The following MYLK3 variants were observed in gnomAD, a reference collection of about 807,000 sequenced individuals.
MYLK3 encodes myosin light chain kinase 3, also known as MLC kinase.
MYLK3 carries 55 observed loss-of-function variants against 76.3 expected under a neutral mutation model. That is an observed-to-expected ratio of 0.72 (90% CI 0.58 to 0.90). The LOEUF is 0.90. MYLK3 is among the 40% of genes least tolerant of loss of function. The pLI, the probability that MYLK3 is intolerant of heterozygous loss-of-function variation, is 0.00. For synonymous variants in MYLK3, 416 were observed against 425.4 expected, an observed-to-expected ratio of 0.98 and a Z score of 0.27; for missense variants, 973 against 1,053.6, an observed-to-expected ratio of 0.92 and a Z score of 1.06.
intron 8 of MYLK3, 166 bp downstream of exon 8, chr16:46,727,070 C>A: frequency 1.8e-6 from 1 of 541,316 alleles, no homozygotes; most frequent in South Asian, 4.2e-5. Context: ...AGAACTACAG[C>A]CCCAAGAGGC....
Position 46,732,388 on chromosome 16 carries a change from G to A in MYLK3, c.1282C>T (p.Pro428Ser), listed in dbSNP as rs1311084294. 1.2e-6 allele frequency: 2 copies of A among 1,613,688 alleles called. No individual in the cohort carries two copies. Among genetic ancestry groups the A allele is most frequent in the South Asian group, 1.1e-5 (1 of 91,084 alleles). Residue 428 changes from proline to serine, a missense_variant, in exon 4 of 13, where the codon CCA (proline) becomes TCA (serine). This residue lies in a region of MYLK3 where 641 missense variants were observed against 637.0 expected (regional missense o/e 1.01). Coordinates refer to ENST00000394809, the MANE Select transcript of MYLK3 (RefSeq NM_182493.3). ...QRAGAEPGTRPSLARSDDNDH... is the reference protein window; with the variant it reads ...QRAGAEPGTRSSLARSDDNDH... The stretch of plus-strand genomic sequence containing the variant: ...TTGTCGTCACTCCTGGCCAAGCTTG[G>A]TCTCGTGCCAGGCTCGGCCCCAGCC...
At chr16:46,726,740 AAGAG>A (rs1221089695) in intron 8 of MYLK3, 18 of 143,640 alleles carry the variant, frequency 1.3e-4, no homozygotes, top group Admixed American at 6.1e-4. Context: ...AAAGAAAAGA[AAGAG>A]AGAGAGAAAG....
In MYLK3 at chr16:46,747,782, C is replaced by T; in HGVS notation, c.412G>A (p.Ala138Thr). ...VGATFQKSKV[A>T]DFLMQGRVPW... is the part of the protein sequence containing the mutation. Reference sequence around the variant, plus strand: ...ACACGCCCCTGCATGAGGAAATCCGCCACCTTTGATTTCTGGAACGTGGCC... The same window carrying T: ...ACACGCCCCTGCATGAGGAAATCCGTCACCTTTGATTTCTGGAACGTGGCC... Residue 138 changes from alanine (A) to threonine (T), a missense_variant, in exon 1 of 13, where the codon GCG becomes ACG. Around this residue, in one of 2 missense-constraint regions of MYLK3, gnomAD observed 641 missense variants for 637.0 expected, o/e 1.01. Coordinates refer to ENST00000394809, the MANE Select transcript of MYLK3 (RefSeq NM_182493.3). 1 of 1,614,240 alleles carries T rather than the reference C, an allele frequency of 6.2e-7. No homozygotes were observed. The highest frequency in any genetic ancestry group is 2.2e-5 in the East Asian group (1 of 44,882).
chr16:46,757,575 C>A, intron 1 of MYLK3: 2 of 985,462 alleles, frequency 2.0e-6, no homozygotes, highest in Non-Finnish European at 1.2e-6. Context: ...TGCCCAAACG[C>A]CCGGAGCGCT....
At chr16:46,724,323 CT>C (rs1392965701) in intron 8 of MYLK3, among the ~76,000 whole-genome samples, 7 of 151,872 alleles carry the variant, frequency 4.6e-5, no homozygotes, top group East Asian at 1.9e-4. Flanking sequence ...TCTAATTTAT[CT>C]TTTTTTAATT....
At chr16:46,709,337 G>A (rs1966658514) in intron 12 of MYLK3, among the ~76,000 whole-genome samples, 1 of 151,764 alleles carries the variant, frequency 6.6e-6, no homozygotes, top group South Asian at 2.1e-4. Context: ...TGGGAGGATT[G>A]CTTGAACCCA....
chr16:46,740,173 C>A, intron 1 of MYLK3, 26 bp from the exon 2 acceptor site: 1 of 1,581,296 alleles, frequency 6.3e-7, no homozygotes, highest in Non-Finnish European at 8.7e-7. Flanking sequence ...TAAAAAATGT[C>A]ATCATTATCA....
At chr16:46,708,010 G>C (rs1472332265) in intron 12 of MYLK3, among the ~76,000 whole-genome samples, 1 of 151,800 alleles carries the variant, frequency 6.6e-6, no homozygotes, top group Non-Finnish European at 1.5e-5. Flanking sequence ...TTTTGGGGAG[G>C]GGGTAGGGGG....
At chr16:46,744,160 G>A (rs1203219743) in intron 1 of MYLK3, among the ~76,000 whole-genome samples, 1 of 151,748 alleles carries the variant, frequency 6.6e-6, no homozygotes, top group Non-Finnish European at 1.5e-5. Flanking sequence ...AGCCTCCCGG[G>A]TAGCTAGGAC....
intron 9 of MYLK3, among the ~76,000 whole-genome samples, chr16:46,717,369 T>A (rs969299824): frequency 2.5e-4 from 38 of 152,194 alleles, no homozygotes; most frequent in Admixed American, 1.8e-3. Context: ...AAACAGCCAC[T>A]CAGCATGGAG....
At position 46,743,031 on chromosome 16, in the gene MYLK3, G is replaced by A. The variant is rs754751146; in HGVS notation, c.478-2884C>T. Among the ~76,000 whole-genome samples, 36 of 152,092 alleles carry A rather than the reference G, an allele frequency of 2.4e-4. 1 individual carries two copies. The highest frequency in any genetic ancestry group is 1.9e-3 in the Admixed American group (29 of 15,270). ...TTAGGGTAGGCAGGCGCATGCGTACGCACCCCCCACCCCCAGCTGGGTGCT... is the reference window on the plus strand; with the variant it reads ...TTAGGGTAGGCAGGCGCATGCGTACACACCCCCCACCCCCAGCTGGGTGCT... On this transcript the variant is annotated intron_variant, in intron 1 of 12. Coordinates refer to ENST00000394809, the MANE Select transcript of MYLK3 (RefSeq NM_182493.3).
intron 9 of MYLK3, among the ~76,000 whole-genome samples, chr16:46,718,835 A>C (rs769234546): frequency 9.2e-5 from 14 of 151,560 alleles, no homozygotes; most frequent in Admixed American, 3.3e-4. Context: ...GCGTGGTGGC[A>C]GGCGCCTGCA....
At chr16:46,743,706 G>A (rs140532430) in intron 1 of MYLK3, among the ~76,000 whole-genome samples, 88 of 152,216 alleles carry the variant, frequency 5.8e-4, no homozygotes, top group African/African-American at 2.0e-3. Flanking sequence ...CATGCAACAC[G>A]TATAACAGCT....
chr16:46,740,434 C>T (rs907051326), intron 1 of MYLK3, among the ~76,000 whole-genome samples: 2 of 151,372 alleles, frequency 1.3e-5, no homozygotes, highest in Admixed American at 6.6e-5. Context: ...ATGAACCCAG[C>T]CCCCGATACA....
chr16:46,762,921 T>G lies in MYLK3; in HGVS notation c.-114+119A>C, dbSNP rs1350771841. On this transcript the variant is annotated intron_variant, in intron 1 of 11. Transcript: ENST00000536476. ...ACTTGCAACCAAGAGCTGCTCATTT[T>G]TCTTGTCGTTTTTGATCAGACTCCA... 3.8e-6 allele frequency: 3 copies of G among 785,562 alleles called. No individual in the cohort carries two copies. The East Asian group carries it at 3.8e-4, about 100-fold the overall frequency. 48.7% of individuals were successfully genotyped at this position (785,562 alleles called of 1,614,324 possible).
At chr16:46,739,763 A>C (rs1277910717) in intron 2 of MYLK3, among the ~76,000 whole-genome samples, 2 of 152,234 alleles carry the variant, frequency 1.3e-5, no homozygotes, top group East Asian at 3.8e-4. Flanking sequence ...GTAGGCTATT[A>C]GTAGTTAAAT....
upstream of MYLK3, among the ~76,000 whole-genome samples, chr16:46,751,506 G>A (rs908694052): frequency 1.3e-5 from 2 of 152,208 alleles, no homozygotes; most frequent in Admixed American, 6.5e-5. Context: ...AGGTGGCTGC[G>A]GCTGGAAGCT....
Position 46,748,112 on chromosome 16 carries a change from T to G in MYLK3, c.82A>C (p.Lys28Gln), listed in dbSNP as rs144608975. 2.1e-5 allele frequency: 34 copies of G among 1,614,118 alleles called. No individual in the cohort carries two copies. Among genetic ancestry groups the G allele is most frequent in the Non-Finnish European group, 2.8e-5 (33 of 1,180,046 alleles). ...GKTCLTTMDTKLNMLNEKVDQ... is the reference protein window; with the variant it reads ...GKTCLTTMDTQLNMLNEKVDQ... ...ACCTTCTCGTTCAGCATGTTCAGCT[T>G]TGTGTCCATGGTTGTTAAGCAGGTC... Residue 28 changes from lysine to glutamine, a missense_variant, in exon 1 of 13, where the codon AAG becomes CAG. Around this residue, in one of 2 missense-constraint regions of MYLK3, gnomAD observed 641 missense variants for 637.0 expected, o/e 1.01. Transcript: ENST00000394809. This position sits in a 1 kb window ranked among gnomAD's most constrained non-coding sequence, Gnocchi z 4.3.
intron 7 of MYLK3, among the ~76,000 whole-genome samples, chr16:46,727,802 T>C (rs1203171738): frequency 1.3e-5 from 2 of 152,192 alleles, no homozygotes; most frequent in Non-Finnish European, 2.9e-5. Flanking sequence ...GCTGAGATTA[T>C]AGGCGTGAGC....
Sources: gnomAD v4.1 joint callset for allele counts (sites outside exome capture counted in the v4.1 genomes callset) on GRCh38, gnomAD v4.1.1 for gene constraint, gnomAD v4.1.1 regional missense constraint, Gnocchi (gnomAD v3.1) non-coding constraint, MANE v1.5 for transcripts, NCBI Gene and HGNC (gene_info 2026-07-23, HGNC 2026-07-21) for gene names.